The following COL9A1 variants were observed in gnomAD, a reference collection of about 807,000 sequenced individuals.
The protein encoded by COL9A1 is collagen type IX alpha 1 chain.
Under a neutral mutation model 142.6 loss-of-function variants are expected in COL9A1, and 104 were observed. The ratio of observed to expected loss-of-function variants is 0.73; its 90% CI spans 0.62 to 0.86. The LOEUF is 0.86. COL9A1 is among the 40% of genes least tolerant of loss of function. The pLI, the probability that COL9A1 is intolerant of heterozygous loss-of-function variation, is 0.00. For missense variants in COL9A1, 1,210 were observed against 1,176.6 expected, an observed-to-expected ratio of 1.03 and a Z score of -0.42; for synonymous variants, 466 against 396.0, an observed-to-expected ratio of 1.18 and a Z score of -2.10.
At chr6:70,275,919 G>T (rs1772729815) in intron 10 of COL9A1, among the ~76,000 whole-genome samples, 1 of 152,066 alleles carries the variant, frequency 6.6e-6, no homozygotes, top group East Asian at 1.9e-4. Flanking sequence ...GTCTGTCATG[G>T]TCTGAATAAA....
Position 70,294,516 on chromosome 6 carries a change from G to A in COL9A1, c.347C>T (p.Thr116Met), listed in dbSNP as rs768503089. The A allele has an allele frequency of 1.5e-5, 25 of 1,613,900 alleles. No homozygotes were observed. Among genetic ancestry groups the A allele is most frequent in the South Asian group, 8.8e-5 (8 of 91,086 alleles). Residue 116 changes from threonine (T) to methionine (M), a missense_variant, in exon 5 of 38, where the codon ACG becomes ATG. Physicochemically the swap from Thr to Met is moderately conservative, Grantham distance 81. Transcript: ENST00000357250. ...GAGAGTGCTTCCAGTCATTCGAAACGTCGTCAAGAAGGAGTATTCTTCAGG... is the reference window on the plus strand; with the variant it reads ...GAGAGTGCTTCCAGTCATTCGAAACATCGTCAAGAAGGAGTATTCTTCAGG... ...GLPEEYSFLT[T>M]FRMTGSTLKK... is the part of the protein sequence containing the mutation.
In COL9A1 at chr6:70,232,788, A is replaced by G; in HGVS notation, c.2315-17T>C. The G allele has an allele frequency of 6.2e-7, 1 of 1,600,766 alleles. No homozygotes were observed. The highest frequency in any genetic ancestry group is 8.5e-7 in the Non-Finnish European group (1 of 1,172,482). On this transcript the variant is annotated splice_polypyrimidine_tract_variant and intron_variant, in intron 35 of 37. Transcript: ENST00000357250. ...CAAAATGTTCTAAAAGAGAATAAAC[A>G]AAACAACCCAGAAGTGTCAGAAACA...
At chr6:70,281,266 G>C in intron 8 of COL9A1, 124 bp downstream of exon 8, 3 of 943,722 alleles carry the variant, frequency 3.2e-6, no homozygotes, top group Non-Finnish European at 4.8e-6. Context: ...GCCTTTAAGT[G>C]GGGTGGCAGG....
At position 70,302,052 on chromosome 6, in the gene COL9A1, C is replaced by T. The variant is rs756657315; in HGVS notation, c.37G>A (p.Val13Met). ...TCWKIPVFFF[V>M]CSFLEPWASA... ...GCCCAGGGTTCCAGGAAACTGCACA[C>T]AAAGAAGAAAACTGGAATTTTCCTG... The change falls in exon 2 of 38, where the codon GTG becomes ATG. Residue 13 changes from valine to methionine, a missense_variant. Val to Met is a conservative substitution (Grantham distance 21). Coordinates refer to ENST00000357250, the MANE Select transcript of COL9A1 (RefSeq NM_001851.6). 1.2e-6 allele frequency: 2 copies of T among 1,611,532 alleles called. No homozygotes were observed. The highest frequency in any genetic ancestry group is 4.5e-5 in the East Asian group (2 of 44,864).
At chr6:70,254,006 G>A (rs1771112012) in intron 25 of COL9A1, among the ~76,000 whole-genome samples, 2 of 152,138 alleles carry the variant, frequency 1.3e-5, no homozygotes, top group East Asian at 1.9e-4. Flanking sequence ...AAGAATACAC[G>A]TGGTACAATC....
At chr6:70,263,929 G>A (rs1051301195) in intron 18 of COL9A1, among the ~76,000 whole-genome samples, 26 of 151,596 alleles carry the variant, frequency 1.7e-4, no homozygotes, top group African/African-American at 5.3e-4. Flanking sequence ...GTAATTACCC[G>A]TAATTTGTTT....
intron 6 of COL9A1, 100 bp downstream of exon 6, chr6:70,283,637 G>C: frequency 1.2e-6 from 1 of 834,642 alleles, no homozygotes; most frequent in Non-Finnish European, 2.0e-6. Flanking sequence ...AAAGAGAGTG[G>C]GGAGGAGGGG....
chr6:70,300,590 G>A (rs1041077125), intron 2 of COL9A1, among the ~76,000 whole-genome samples: 5 of 152,088 alleles, frequency 3.3e-5, no homozygotes, highest in African/African-American at 4.8e-5. Context: ...GAGGTAAAGT[G>A]TTTGGCTTTA....
chr6:70,249,776 C>T (rs1348946047), intron 28 of COL9A1, among the ~76,000 whole-genome samples: 1 of 150,990 alleles, frequency 6.6e-6, no homozygotes, highest in Non-Finnish European at 1.5e-5. Context: ...AGAATCAACC[C>T]CCTACCCCAT....
At chr6:70,281,094 C>A in intron 8 of COL9A1, 55 bp from the exon 9 acceptor site, 1 of 1,461,604 alleles carries the variant, frequency 6.8e-7, no homozygotes, top group Non-Finnish European at 9.4e-7. Context: ...AGGCTGAGGA[C>A]CCCACTGGGA....
At position 70,232,656 on chromosome 6, in the gene COL9A1, T is replaced by G; in HGVS notation, c.2430A>C (p.Pro810=). 6.2e-7 allele frequency: 1 copy of G among 1,614,096 alleles called. No individual in the cohort carries two copies. Among genetic ancestry groups the G allele is most frequent in the Non-Finnish European group, 8.5e-7 (1 of 1,180,022 alleles). The part of the protein sequence containing the change: ...PPGPPGENGF[P]GQMGIRGLPG... ...GAAGGCCACGAATTCCCATCTGGCC[T>G]GGGAAACCATTCTCTCCAGGAGGGC... The change falls in exon 36 of 38, where the codon CCA becomes CCC. Residue 810 remains proline, a synonymous_variant. Transcript: ENST00000357250.
intron 18 of COL9A1, among the ~76,000 whole-genome samples, chr6:70,264,260 G>C (rs1326032608): frequency 6.6e-6 from 1 of 151,700 alleles, no homozygotes; most frequent in African/African-American, 2.4e-5. Flanking sequence ...AGAATCATTG[G>C]ACAAATCTTC....
intron 18 of COL9A1, among the ~76,000 whole-genome samples, chr6:70,265,740 TAA>T (rs1265712968): frequency 2.0e-5 from 3 of 152,118 alleles, no homozygotes; most frequent in African/African-American, 7.2e-5. Context: ...GCCTATGTAA[TAA>T]GAGACTTTTA....
At chr6:70,285,319 G>A (rs565498317) in intron 5 of COL9A1, among the ~76,000 whole-genome samples, 11 of 152,278 alleles carry the variant, frequency 7.2e-5, no homozygotes, top group South Asian at 2.1e-4. Context: ...TCACCTACAC[G>A]CTAATAATCA....
chr6:70,267,542 G>A (rs1414252723), intron 17 of COL9A1, among the ~76,000 whole-genome samples: 3 of 151,558 alleles, frequency 2.0e-5, no homozygotes, highest in Admixed American at 6.6e-5. Flanking sequence ...GGCTGGTCTC[G>A]AACTCCCAAC....
intron 5 of COL9A1, among the ~76,000 whole-genome samples, chr6:70,290,688 T>C (rs1773624989): frequency 1.3e-5 from 2 of 152,100 alleles, no homozygotes; most frequent in African/African-American, 4.8e-5. Context: ...TTTCTTATTA[T>C]GAAGTTCCTA....
At chr6:70,302,843 A>G in intron 1 of COL9A1, 68 bp downstream of exon 1, 2 of 1,553,200 alleles carry the variant, frequency 1.3e-6, no homozygotes, top group Non-Finnish European at 1.8e-6. Flanking sequence ...CTGCAAAAAT[A>G]CAGACCCTTG....
chr6:70,274,036 C>T lies in COL9A1; in HGVS notation c.1065+11G>A. On this transcript the variant is annotated intron_variant, in intron 12 of 37. Transcript: ENST00000357250. ...GGAAATTTTCAATTCTGTAGCTTTACATTTACTTACTGGAAATCCACGCGA... is the reference window on the plus strand; with the variant it reads ...GGAAATTTTCAATTCTGTAGCTTTATATTTACTTACTGGAAATCCACGCGA... The T allele has an allele frequency of 3.2e-6, 5 of 1,541,342 alleles. No individual in the cohort carries two copies. Among genetic ancestry groups the T allele is most frequent in the Non-Finnish European group, 3.5e-6 (4 of 1,139,470 alleles).
chr6:70,234,949 C>T lies in COL9A1; in HGVS notation c.2113-9G>A. 6.2e-7 allele frequency: 1 copy of T among 1,614,142 alleles called. No individual in the cohort carries two copies. The highest frequency in any genetic ancestry group is 8.5e-7 in the Non-Finnish European group (1 of 1,180,030). On this transcript the variant is annotated splice_polypyrimidine_tract_variant and intron_variant, in intron 33 of 37. Transcript: ENST00000357250. ...TCCCCAGGATTACCTGCCTGGAACA[C>T]AATTGCACACTATCAAACCAGGGCT...
Sources: gnomAD v4.1 joint callset for allele counts (sites outside exome capture counted in the v4.1 genomes callset) on GRCh38, gnomAD v4.1.1 for gene constraint, MANE v1.5 for transcripts, NCBI Gene and HGNC (gene_info 2026-07-23, HGNC 2026-07-21) for gene names.